The following RCAN2 variants were observed in gnomAD, a reference collection of about 807,000 sequenced individuals.
RCAN2 encodes regulator of calcineurin 2, also known as calcipressin-2.
In RCAN2, 9 loss-of-function variants were observed where a neutral mutation model predicts 23.6. The observed-to-expected ratio is 0.38, with a 90% confidence interval of 0.23 to 0.67. The LOEUF (loss-of-function observed/expected upper bound fraction) is 0.67, where lower values mean the gene tolerates loss of function less well. Ranked by LOEUF, RCAN2 falls within the 30% of genes least tolerant of loss-of-function variation. The pLI, the probability that RCAN2 is intolerant of heterozygous loss-of-function variation, is 0.51. For synonymous variants in RCAN2, 109 were observed against 115.7 expected, an observed-to-expected ratio of 0.94 and a Z score of 0.37; for missense variants, 273 against 302.3, an observed-to-expected ratio of 0.90 and a Z score of 0.72.
At chr6:46,391,442 A>G (rs1765936397) in intron 2 of RCAN2, among the ~76,000 whole-genome samples, 1 of 152,002 alleles carries the variant, frequency 6.6e-6, no homozygotes, top group Admixed American at 6.6e-5. Context: ...GGTGTTTGGG[A>G]AGTGTTATGG....
chr6:46,460,220 G>T (rs1422634044), intron 1 of RCAN2, among the ~76,000 whole-genome samples: 2 of 151,970 alleles, frequency 1.3e-5, no homozygotes, highest in African/African-American at 4.8e-5. Context: ...CACCATATCT[G>T]GCTAATTTCT....
intron 4 of RCAN2, among the ~76,000 whole-genome samples, chr6:46,238,684 C>G (rs1028294601): frequency 6.6e-5 from 10 of 152,064 alleles, no homozygotes; most frequent in Non-Finnish European, 1.3e-4. Flanking sequence ...GAGTGGCTGG[C>G]ACCACAGATG....
chr6:46,477,894 T>A (rs1192013126), intron 1 of RCAN2, among the ~76,000 whole-genome samples: 1 of 152,182 alleles, frequency 6.6e-6, no homozygotes, highest in African/African-American at 2.4e-5. Context: ...TATATGCAAA[T>A]GTTTGATCAG....
At chr6:46,388,045 T>C (rs1028772744) in intron 2 of RCAN2, among the ~76,000 whole-genome samples, 13 of 151,906 alleles carry the variant, frequency 8.6e-5, no homozygotes, top group African/African-American at 1.5e-4. Context: ...TAGGTGGGAA[T>C]TGAACAATGA....
At position 46,409,532 on chromosome 6, in the gene RCAN2, G is replaced by C. The variant is rs554135770; in HGVS notation, c.225+47220C>G. 3.7e-4 allele frequency among the ~76,000 whole-genome samples: 56 copies of C among 152,232 alleles called. No homozygotes were observed. In the South Asian group the frequency reaches 5.8e-3, roughly 16 times the overall value. ...GTCAAGAGAGTACAGGCCAAGAAAG[G>C]CATCTGCAGTTTGCAACCATGAAAG... On this transcript the variant is annotated intron_variant, in intron 2 of 4. Transcript: ENST00000371374.
At chr6:46,274,309 C>T (rs1042478424) in intron 2 of RCAN2, among the ~76,000 whole-genome samples, 3 of 152,216 alleles carry the variant, frequency 2.0e-5, no homozygotes, top group Non-Finnish European at 4.4e-5. Context: ...TATAGGTCAT[C>T]TACTGCCTCA....
intron 1 of RCAN2, among the ~76,000 whole-genome samples, chr6:46,465,205 G>A (rs906065589): frequency 6.6e-6 from 1 of 152,080 alleles, no homozygotes; most frequent in African/African-American, 2.4e-5. Flanking sequence ...TTTTATGAGG[G>A]GTGTGAGGGT....
chr6:46,326,564 A>G (rs1003443027), intron 2 of RCAN2, among the ~76,000 whole-genome samples: 1 of 152,250 alleles, frequency 6.6e-6, no homozygotes, highest in Non-Finnish European at 1.5e-5. Flanking sequence ...TTTAATAAAT[A>G]AATCAATCAA....
intron 2 of RCAN2, among the ~76,000 whole-genome samples, chr6:46,415,709 TTAA>T (rs1350993328): frequency 6.6e-6 from 1 of 151,980 alleles, no homozygotes; most frequent in East Asian, 1.9e-4. Context: ...TAAAAAAAAA[TTAA>T]TAAATAAACT....
rs373552937 is a variant in RCAN2 at position 46,357,032 on chromosome 6, C to T, written c.225+99720G>A. Reference sequence around the variant, plus strand: ...TTGGGGTAAATTTGACCCTCTCCAGCTGTGCAGACTGCCATTGCCAGGTAT... The same window carrying T: ...TTGGGGTAAATTTGACCCTCTCCAGTTGTGCAGACTGCCATTGCCAGGTAT... On this transcript the variant is annotated intron_variant, in intron 2 of 4. Coordinates refer to ENST00000371374, the MANE Select transcript of RCAN2 (RefSeq NM_001251974.2). Among the ~76,000 whole-genome samples the T allele has an allele frequency of 2.5e-4, 38 of 152,304 alleles. 1 individual carries two copies. The South Asian group carries it at 5.2e-3, about 21-fold the overall frequency.
chr6:46,482,993 T>C (rs1768902572), intron 1 of RCAN2, among the ~76,000 whole-genome samples: 2 of 152,184 alleles, frequency 1.3e-5, no homozygotes, highest in African/African-American at 4.8e-5. Flanking sequence ...GAATCATACA[T>C]GGTCATTCCC....
intron 2 of RCAN2, among the ~76,000 whole-genome samples, chr6:46,317,260 T>C (rs1042902418): frequency 6.6e-6 from 1 of 152,200 alleles, no homozygotes; most frequent in African/African-American, 2.4e-5. Flanking sequence ...ATAGATGCTA[T>C]GCCTTCAATT....
chr6:46,283,540 A>C (rs1442225), intron 2 of RCAN2, among the ~76,000 whole-genome samples: 3,909 of 152,218 alleles, frequency 0.026, 155 homozygotes, highest in African/African-American at 0.085. Flanking sequence ...AGTGACTTAT[A>C]CCCAGGAAGT....
At chr6:46,277,839 A>G (rs1022130036) in intron 2 of RCAN2, among the ~76,000 whole-genome samples, 5 of 152,130 alleles carry the variant, frequency 3.3e-5, no homozygotes, top group Non-Finnish European at 7.4e-5. Flanking sequence ...CCACCTTATG[A>G]TAAAAGGATC....
intron 2 of RCAN2, among the ~76,000 whole-genome samples, chr6:46,405,916 A>G (rs111804140): frequency 0.015 from 2,293 of 152,254 alleles, 49 homozygotes; most frequent in African/African-American, 0.052. Context: ...GCCCCGCGGG[A>G]AGGCAGCTAA....
chr6:46,373,303 T>G (rs1417391865), intron 2 of RCAN2, among the ~76,000 whole-genome samples: 2 of 152,154 alleles, frequency 1.3e-5, no homozygotes, highest in African/African-American at 4.8e-5. Flanking sequence ...CTCGCTCTGT[T>G]GCCCAGGCTG....
In RCAN2 at chr6:46,247,022, A is replaced by T. The variant is rs997954822; in HGVS notation, c.400-103T>A. ...TTTAGTTTCAGCCTGCGACAAATGA[A>T]CCGATGAACCCGACCGTAATAATAA... On this transcript the variant is annotated intron_variant, in intron 3 of 4. Transcript: ENST00000371374. 2.0e-5 allele frequency: 18 copies of T among 911,646 alleles called. No homozygotes were observed. The African/African-American group carries it at 2.7e-4, about 14-fold the overall frequency. The allele number at this position is 911,646 out of a possible 1,614,324, so 56.5% of individuals were successfully genotyped here.
chr6:46,344,154 G>T (rs1481376419), intron 2 of RCAN2, among the ~76,000 whole-genome samples: 2 of 152,152 alleles, frequency 1.3e-5, no homozygotes, highest in African/African-American at 4.8e-5. Flanking sequence ...CTGTAAATTT[G>T]CTAGTAATCA....
intron 2 of RCAN2, among the ~76,000 whole-genome samples, chr6:46,304,735 T>G (rs538299918): frequency 3.3e-5 from 5 of 152,148 alleles, no homozygotes; most frequent in African/African-American, 1.2e-4. Context: ...AATCAAGGAC[T>G]TACAATTGGG....
Sources: gnomAD v4.1 joint callset for allele counts (sites outside exome capture counted in the v4.1 genomes callset) on GRCh38, gnomAD v4.1.1 for gene constraint, MANE v1.5 for transcripts, NCBI Gene and HGNC (gene_info 2026-07-23, HGNC 2026-07-21) for gene names.